The following TMEM181 variants were observed in gnomAD, a reference collection of about 807,000 sequenced individuals.
TMEM181 encodes the protein G protein-coupled receptor 178.
In TMEM181, 39 loss-of-function variants were observed where a neutral mutation model predicts 71.9. The observed-to-expected ratio is 0.54, with a 90% confidence interval of 0.42 to 0.71. The LOEUF (loss-of-function observed/expected upper bound fraction) is 0.71. TMEM181 is among the 30% of genes least tolerant of loss of function. TMEM181 has a pLI of 0.00. For missense variants in TMEM181, 595 were observed against 583.0 expected (o/e 1.02, Z -0.21); for synonymous variants, 245 against 228.8 (o/e 1.07, Z -0.64).
intron 12 of TMEM181, 111 bp from the exon 13 acceptor site, chr6:158,625,592 G>A (rs1205247235): frequency 1.5e-5 from 14 of 963,268 alleles, no homozygotes; most frequent in Non-Finnish European, 2.2e-5. Flanking sequence ...AAGTCTGGAG[G>A]GAGGAGCATT....
intron 8 of TMEM181, 88 bp downstream of exon 8, chr6:158,607,431 A>G (rs2128316553): frequency 8.1e-7 from 1 of 1,238,526 alleles, no homozygotes. Flanking sequence ...TCATCCCAGC[A>G]CTTTGAGAGG....
rs546679853 is a variant in TMEM181 at position 158,540,408 on chromosome 6, C to T, written c.131+3543C>T. 1.7e-4 allele frequency among the ~76,000 whole-genome samples: 26 copies of T among 152,266 alleles called. 1 individual carries two copies. The South Asian group carries it at 3.1e-3, about 18-fold the overall frequency. On this transcript the variant is annotated intron_variant, in intron 1 of 16. Transcript: ENST00000367090. ...ATGCATACATGGGGCCATCAGAAGA[C>T]GTACTAAAAAGTGTTCCTAACAGCA...
rs1444942495 is a variant in TMEM181, at chr6:158,634,094, C to G, written c.*2206C>G. ...TATCTTCATACATTGAGTCTTCATG[C>G]ATCAATGAAATGAAAAATATAGGAT... On this transcript the variant is annotated 3_prime_UTR_variant, in exon 17 of 17. Transcript: ENST00000684151. 1.3e-5 allele frequency: 2 copies of G among 152,070 alleles called. No individual in the cohort carries two copies. The highest frequency in any genetic ancestry group is 1.5e-5 in the Non-Finnish European group (1 of 68,008). The allele number at this position is 152,070 out of a possible 1,614,324, so 9.4% of individuals were successfully genotyped here.
Position 158,607,325 on chromosome 6 carries a change from C to A in TMEM181, c.655C>A (p.Leu219Met). 1 of 1,614,132 alleles carries A rather than the reference C, an allele frequency of 6.2e-7. No homozygotes were observed. Among genetic ancestry groups the A allele is most frequent in the Non-Finnish European group, 8.5e-7 (1 of 1,179,980 alleles). Residue 219 changes from leucine (L) to methionine (M), a missense_variant, in exon 8 of 17, where the codon CTG (leucine) becomes ATG (methionine). Coordinates refer to ENST00000684151, the MANE Select transcript of TMEM181 (RefSeq NM_001376852.1). ...GAAGTGGATGTCTGTTCTCCTGCCT[C>A]TGCTGCTACTTTACAATGGTGGGTA... Reference protein sequence around the residue: ...EQKWMSVLLPLLLLYNDPFFP... With the variant: ...EQKWMSVLLPMLLLYNDPFFP...
rs554958657 is a variant in TMEM181, at chr6:158,560,150, C to A, written c.-75C>A. The A allele has an allele frequency of 6.8e-5, 67 of 984,662 alleles. No individual in the cohort carries two copies. The highest frequency in any genetic ancestry group is 7.5e-5 in the Non-Finnish European group (62 of 829,652). The allele number at this position is 984,662 out of a possible 1,614,324, so 61.0% of individuals were successfully genotyped here. A position where few individuals can be genotyped will look rare whatever the true frequency, so the allele number is the denominator to read the frequency against. ...TCGCTCCGGCTCCGGCTGCGGCTGCCGCTGCCGAGGCTGCTGCGCGGCGCC... is the reference window on the plus strand; with the variant it reads ...TCGCTCCGGCTCCGGCTGCGGCTGCAGCTGCCGAGGCTGCTGCGCGGCGCC... On this transcript the variant is annotated 5_prime_UTR_variant, in exon 1 of 17. Coordinates refer to ENST00000684151, the MANE Select transcript of TMEM181 (RefSeq NM_001376852.1).
At chr6:158,625,014 A>C in intron 11 of TMEM181, 90 bp from the exon 12 acceptor site, 2 of 1,019,792 alleles carry the variant, frequency 2.0e-6, no homozygotes, top group Non-Finnish European at 3.1e-6. Context: ...CCCTTCTAAA[A>C]ACCTGTGGCT....
chr6:158,571,307 A>G lies in TMEM181; in HGVS notation c.9-2113A>G, dbSNP rs777818100. 3.6e-4 allele frequency among the ~76,000 whole-genome samples: 53 copies of G among 149,166 alleles called. 1 individual carries two copies. Among genetic ancestry groups the G allele is most frequent in the Admixed American group, 8.7e-4 (13 of 14,992 alleles). On this transcript the variant is annotated intron_variant, in intron 1 of 16. Transcript: ENST00000684151. ...AAAGACGGGGTTTCACCGTGTTAGCAGGATGGTCTCGATCTCCTGACCTTG... is the reference window on the plus strand; with the variant it reads ...AAAGACGGGGTTTCACCGTGTTAGCGGGATGGTCTCGATCTCCTGACCTTG...
intron 2 of TMEM181, 36 bp from the exon 3 acceptor site, chr6:158,580,904 T>TA: frequency 6.4e-7 from 1 of 1,564,670 alleles, no homozygotes; most frequent in South Asian, 1.1e-5. Flanking sequence ...TCAATATTGC[T>TA]ATAATCTGCT....
intron 10 of TMEM181, among the ~76,000 whole-genome samples, chr6:158,617,604 T>C (rs1785691972): frequency 6.6e-6 from 1 of 152,240 alleles, no homozygotes; most frequent in Admixed American, 6.5e-5. Context: ...CGCTTTCTCT[T>C]GTGGGCATTT....
chr6:158,609,652 C>A, intron 10 of TMEM181: 1 of 210,138 alleles, frequency 4.8e-6, no homozygotes. Context: ...TGTATTACGT[C>A]AGGTTGCTAG....
chr6:158,577,602 A>G (rs1783235975), intron 2 of TMEM181, among the ~76,000 whole-genome samples: 1 of 152,136 alleles, frequency 6.6e-6, no homozygotes, highest in Non-Finnish European at 1.5e-5. Context: ...AAGCTCAACA[A>G]ACTCAAAGTA....
At chr6:158,575,165 C>T (rs148618405) in intron 2 of TMEM181, among the ~76,000 whole-genome samples, 1 of 152,192 alleles carries the variant, frequency 6.6e-6, no homozygotes, top group South Asian at 2.1e-4. Flanking sequence ...GTCTCAGCAC[C>T]CTGTGGCCCA....
At chr6:158,609,967 C>T (rs912220701) in intron 10 of TMEM181, 5 of 225,300 alleles carry the variant, frequency 2.2e-5, no homozygotes, top group Non-Finnish European at 3.8e-5. Context: ...GGCCCACCGA[C>T]GTTGGGAAAG....
chr6:158,604,838 C>T (rs1410258354), intron 6 of TMEM181, among the ~76,000 whole-genome samples: 1 of 152,038 alleles, frequency 6.6e-6, no homozygotes, highest in African/African-American at 2.4e-5. Context: ...CGGATTTATC[C>T]ATGTAACAAC....
chr6:158,618,114 AGTCTCTTTGTAG>A (rs1329434616), intron 10 of TMEM181, among the ~76,000 whole-genome samples: 1 of 152,152 alleles, frequency 6.6e-6, no homozygotes, highest in Admixed American at 6.5e-5. Flanking sequence ...TGGAAGTCTA[AGTCTCTTTGTAG>A]GTCTCTAAGG....
upstream of TMEM181, among the ~76,000 whole-genome samples, chr6:158,559,885 T>C (rs1562619521): frequency 6.6e-6 from 1 of 152,176 alleles, no homozygotes; most frequent in Non-Finnish European, 1.5e-5. Flanking sequence ...GTAAACTAAG[T>C]CATTCATTCA....
chr6:158,598,406 A>G (rs1414300558), intron 6 of TMEM181, among the ~76,000 whole-genome samples: 1 of 152,070 alleles, frequency 6.6e-6, no homozygotes, highest in Non-Finnish European at 1.5e-5. Context: ...GAAAACAGCA[A>G]CTCACGTCTC....
At chr6:158,631,740 T>TGTCA (rs2128334165) in intron 16 of TMEM181, 70 bp from the exon 17 acceptor site, 1 of 1,454,962 alleles carries the variant, frequency 6.9e-7, no homozygotes, top group East Asian at 2.5e-5. Context: ...TGGAATGGTG[T>TGTCA]GTCAGTGTGG....
chr6:158,571,807 G>C lies in TMEM181; in HGVS notation c.9-1613G>C, dbSNP rs189858090. 3.0e-4 allele frequency among the ~76,000 whole-genome samples: 46 copies of C among 152,330 alleles called. No homozygotes were observed. The East Asian group carries it at 8.5e-3, about 28-fold the overall frequency. ...GTGCAGTGCAGGTGCAGAGGGCAGGGCTGCAGCATCTTGGGCACATGCACT... is the reference window on the plus strand; with the variant it reads ...GTGCAGTGCAGGTGCAGAGGGCAGGCCTGCAGCATCTTGGGCACATGCACT... On this transcript the variant is annotated intron_variant, in intron 1 of 16. Coordinates refer to ENST00000684151, the MANE Select transcript of TMEM181 (RefSeq NM_001376852.1).
Sources: gnomAD v4.1 joint callset for allele counts (sites outside exome capture counted in the v4.1 genomes callset) on GRCh38, gnomAD v4.1.1 for gene constraint, MANE v1.5 for transcripts, NCBI Gene and HGNC (gene_info 2026-07-23, HGNC 2026-07-21) for gene names.